The following TENM3 variants were observed in gnomAD, a reference collection of about 807,000 sequenced individuals.
TENM3 encodes the protein teneurin transmembrane protein 3, also known as teneurin-3.
In TENM3, 63 loss-of-function variants were observed where a neutral mutation model predicts 255.1. The observed-to-expected ratio is 0.25, with a 90% CI of 0.20 to 0.30. The LOEUF is 0.30. Among genes scored for constraint, TENM3 ranks in the 10% least tolerant of loss-of-function variants. TENM3 has a pLI of 1.00. For synonymous variants in TENM3, 1,306 were observed against 1,322.3 expected (o/e 0.99, Z 0.27); for missense variants, 2,929 against 3,461.1 (o/e 0.85, Z 3.86).
At chr4:181,518,731 C>G in the TENM3 span, among the ~76,000 whole-genome samples, 1 of 152,134 alleles carries the variant, frequency 6.6e-6, no homozygotes, top group Non-Finnish European at 1.5e-5. Flanking sequence ...CTGGCCAGGG[C>G]TTGGTTTTTA....
intron 2 of TENM3, among the ~76,000 whole-genome samples, chr4:182,335,494 C>CAAA (rs372965020): frequency 0.013 from 675 of 51,894 alleles, 38 homozygotes; most frequent in Admixed American, 0.027. Flanking sequence ...GACTCCGCCT[C>CAAA]AAAAAAAAAA....
At chr4:182,369,901 G>GA (rs992079173) in intron 3 of TENM3, among the ~76,000 whole-genome samples, 1 of 151,796 alleles carries the variant, frequency 6.6e-6, no homozygotes, top group Non-Finnish European at 1.5e-5. Context: ...AGGAAAGAAA[G>GA]AAAAGTTTCA....
At chr4:181,846,972 G>A in the TENM3 span, among the ~76,000 whole-genome samples, 4 of 152,264 alleles carry the variant, frequency 2.6e-5, no homozygotes, top group East Asian at 1.9e-4. Flanking sequence ...TTTGTTCAAC[G>A]CAGCCAAAAT....
At chr4:182,776,897 A>AT (rs912400024) in intron 24 of TENM3, among the ~76,000 whole-genome samples, 1 of 152,166 alleles carries the variant, frequency 6.6e-6, no homozygotes, top group African/African-American at 2.4e-5. Flanking sequence ...CTGAAAGGAG[A>AT]TTTCCAGCTG....
At chr4:181,555,708 T>C in the TENM3 span, among the ~76,000 whole-genome samples, 7 of 152,194 alleles carry the variant, frequency 4.6e-5, no homozygotes, top group African/African-American at 1.7e-4. Context: ...TCTATCTGTG[T>C]GTCTACCATC....
At chr4:182,555,622 C>CAA (rs1301710381) in intron 3 of TENM3, among the ~76,000 whole-genome samples, 1 of 152,020 alleles carries the variant, frequency 6.6e-6, no homozygotes, top group African/African-American at 2.4e-5. Flanking sequence ...AACAGCCTTA[C>CAA]AAATAAATAC....
chr4:182,713,872 C>T (rs1275634209), intron 12 of TENM3, among the ~76,000 whole-genome samples: 2 of 152,174 alleles, frequency 1.3e-5, no homozygotes, highest in African/African-American at 4.8e-5. Context: ...CTGTCCTGCA[C>T]AGGTAAGTGG....
chr4:181,659,943 G>A, the TENM3 span, among the ~76,000 whole-genome samples: 1 of 152,010 alleles, frequency 6.6e-6, no homozygotes, highest in Non-Finnish European at 1.5e-5. Flanking sequence ...AGCAGTTGTT[G>A]TCACCTCCCA....
the TENM3 span, among the ~76,000 whole-genome samples, chr4:181,453,335 C>G: frequency 1.3e-4 from 20 of 152,208 alleles, no homozygotes; most frequent in East Asian, 3.9e-3. Flanking sequence ...TGGGGAGGGA[C>G]AGCAGATTGT....
chr4:181,564,304 T>C, the TENM3 span, among the ~76,000 whole-genome samples: 1 of 152,162 alleles, frequency 6.6e-6, no homozygotes, highest in Non-Finnish European at 1.5e-5. Context: ...GCGACACACA[T>C]ATTCAGTGGT....
chr4:182,781,929 T>C (rs1241909155), intron 24 of TENM3, among the ~76,000 whole-genome samples: 3 of 150,386 alleles, frequency 2.0e-5, no homozygotes, highest in African/African-American at 7.3e-5. Flanking sequence ...ATTGCATCTA[T>C]TAGATTCTTC....
intron 3 of TENM3, among the ~76,000 whole-genome samples, chr4:182,533,821 G>A: frequency 6.6e-6 from 1 of 151,676 alleles, no homozygotes; most frequent in East Asian, 2.0e-4. Flanking sequence ...GGCTGAGGCA[G>A]AGAATTGCTT....
At chr4:182,510,798 C>T (rs1229433072) in intron 3 of TENM3, among the ~76,000 whole-genome samples, 4 of 152,160 alleles carry the variant, frequency 2.6e-5, no homozygotes, top group Non-Finnish European at 5.9e-5. Flanking sequence ...ATTCTATCTT[C>T]TTGTAAGCCA....
the TENM3 span, among the ~76,000 whole-genome samples, chr4:181,986,993 A>T: frequency 6.6e-6 from 1 of 152,034 alleles, no homozygotes; most frequent in South Asian, 2.1e-4. Flanking sequence ...AATGCCCATG[A>T]CTCCTGAATC....
chr4:181,893,487 G>GC, the TENM3 span, among the ~76,000 whole-genome samples: 34 of 74,740 alleles, frequency 4.5e-4, no homozygotes, highest in African/African-American at 9.4e-4. Flanking sequence ...ACTTTCCCCT[G>GC]CCCACCCCCC....
chr4:182,262,687 C>T (rs1270986466), intron 1 of TENM3, among the ~76,000 whole-genome samples: 1 of 151,742 alleles, frequency 6.6e-6, no homozygotes, highest in Non-Finnish European at 1.5e-5. Flanking sequence ...CTCTCCTGTC[C>T]ATGGAGTAGC....
chr4:181,506,470 C>G, the TENM3 span, among the ~76,000 whole-genome samples: 1 of 151,686 alleles, frequency 6.6e-6, no homozygotes. Context: ...CTTCAAAAAG[C>G]TGGGAAAAAA....
the TENM3 span, among the ~76,000 whole-genome samples, chr4:181,557,447 T>C: frequency 1.3e-5 from 2 of 152,208 alleles, no homozygotes; most frequent in Non-Finnish European, 2.9e-5. Context: ...GTTGAAAATA[T>C]TTTATCATTT....
chr4:182,088,877 G>T, the TENM3 span, among the ~76,000 whole-genome samples: 1 of 151,746 alleles, frequency 6.6e-6, no homozygotes, highest in Non-Finnish European at 1.5e-5. Context: ...AAGCAAAGAA[G>T]CAAAGGACTG....
Sources: gnomAD v4.1 joint callset for allele counts (sites outside exome capture counted in the v4.1 genomes callset) on GRCh38, gnomAD v4.1.1 for gene constraint, MANE v1.5 for transcripts, NCBI Gene and HGNC (gene_info 2026-07-23, HGNC 2026-07-21) for gene names.